Variants in RNF34 observed in about 807,000 individuals in gnomAD.
The protein encoded by RNF34 is E3 ubiquitin-protein ligase RNF34.
RNF34 carries 12 observed loss-of-function variants against 37.9 expected under a neutral mutation model. The ratio of observed to expected loss-of-function variants is 0.32; its 90% CI spans 0.20 to 0.51. The LOEUF (loss-of-function observed/expected upper bound fraction) is 0.51. Ranked by LOEUF, RNF34 falls within the 20% of genes least tolerant of loss-of-function variation. The pLI, the probability that RNF34 is intolerant of heterozygous loss-of-function variation, is 0.97. For missense variants in RNF34, 362 were observed against 472.7 expected, an observed-to-expected ratio of 0.77 and a Z score of 2.17; for synonymous variants, 155 against 177.2, an observed-to-expected ratio of 0.87 and a Z score of 1.00.
rs1555283846 is a variant in RNF34, at chr12:121,423,617, C to T, written c.*41C>T. ...CCAGGACAGTCACCCCCAAACTTGACCCCCAACATTTCAATGCACAGAAGG... is the reference window on the plus strand; with the variant it reads ...CCAGGACAGTCACCCCCAAACTTGATCCCCAACATTTCAATGCACAGAAGG... On this transcript the variant is annotated 3_prime_UTR_variant, in exon 6 of 6. Coordinates refer to ENST00000361234, the MANE Select transcript of RNF34 (RefSeq NM_025126.4). The surrounding 1 kb of genome is among the most constrained non-coding windows in gnomAD (Gnocchi z 4.3). 1.9e-6 allele frequency: 3 copies of T among 1,554,302 alleles called. No homozygotes were observed. The highest frequency in any genetic ancestry group is 1.7e-5 in the Admixed American group (1 of 57,662).
chr12:121,423,655 A>T lies in RNF34; in HGVS notation c.*79A>T. ...AATGCACAGAAGGGACTGGAAAGTT[A>T]TGTTCAAAGGCTGAAGCTATTTTAA... On this transcript the variant is annotated 3_prime_UTR_variant, in exon 6 of 6. Transcript: ENST00000361234. The surrounding 1 kb of genome is among the most constrained non-coding windows in gnomAD (Gnocchi z 4.3). The T allele has an allele frequency of 8.2e-7, 1 of 1,215,710 alleles. No individual in the cohort carries two copies. Among genetic ancestry groups the T allele is most frequent in the African/African-American group, 1.5e-5 (1 of 66,632 alleles). 75.3% of individuals were successfully genotyped at this position (1,215,710 alleles called of 1,614,324 possible).
At chr12:121,422,704 G>A (rs1872271530) in intron 5 of RNF34, among the ~76,000 whole-genome samples, 1 of 152,162 alleles carries the variant, frequency 6.6e-6, no homozygotes, top group Non-Finnish European at 1.5e-5. Flanking sequence ...ATAGCCCTAT[G>A]GCCAAATCTC....
chr12:121,420,298 GGATGAT>G lies in RNF34; in HGVS notation c.699_704del (p.Asp233_Asp234del), dbSNP rs781817807. ...AAGATGATGATGACGACGATGATGA[GGATGAT>G]GATGATGAAGAAGAAAACGCAGAGG... is the stretch of plus-strand genomic sequence containing the variant. On this transcript the variant is annotated inframe_deletion, in exon 4 of 6. Transcript: ENST00000361234. The G allele has an allele frequency of 6.3e-7, 1 of 1,584,958 alleles. No homozygotes were observed. Among genetic ancestry groups the G allele is most frequent in the Non-Finnish European group, 8.6e-7 (1 of 1,163,046 alleles).
At chr12:121,418,440 A>G (rs1555282662) in intron 3 of RNF34, 1 of 153,860 alleles carries the variant, frequency 6.5e-6, no homozygotes, top group Non-Finnish European at 1.4e-5. Flanking sequence ...TCCTGATTGA[A>G]TAACATGTAA....
rs782192475 is a variant in RNF34, at chr12:121,417,795, A to G, written c.517A>G (p.Ser173Gly). The G allele has an allele frequency of 6.2e-7, 1 of 1,614,216 alleles. No homozygotes were observed. The highest frequency in any genetic ancestry group is 8.5e-7 in the Non-Finnish European group (1 of 1,180,044). Residue 173 changes from serine (S) to glycine (G), a missense_variant, in exon 3 of 6, where the codon AGC (serine) becomes GGC (glycine). Transcript: ENST00000361234. This position sits in a 1 kb window ranked among gnomAD's most constrained non-coding sequence, Gnocchi z 5.0. The stretch of plus-strand genomic sequence containing the variant: ...GAATTCTTCAAGGTCCCAGACTTCT[A>G]GCTTTTTTACACGTTCGTTTTTTTC... ...SLNSSRSQTSSFFTRSFFSNY... is the reference protein window; with the variant it reads ...SLNSSRSQTSGFFTRSFFSNY...
At chr12:121,420,451 C>A (rs994143133) in intron 4 of RNF34, 117 bp downstream of exon 4, 54 of 1,552,468 alleles carry the variant, frequency 3.5e-5, no homozygotes, top group Non-Finnish European at 4.2e-5. Context: ...GAATGTAGGA[C>A]AGTATACTGA....
At position 121,417,906 on chromosome 12, in the gene RNF34, G is replaced by T; in HGVS notation, c.628G>T (p.Ala210Ser). ...CCAAACATCCAGATCTGGAGTGCCG[G>T]CACAGGTACGAGGGGGTAACTAATT... ...GDQTSRSGVP[A>S]QVQSEITSAN... The change falls in exon 3 of 6, where the codon GCA (alanine) becomes TCA (serine). Residue 210 changes from alanine to serine, a missense_variant. Transcript: ENST00000361234. This position sits in a 1 kb window ranked among gnomAD's most constrained non-coding sequence, Gnocchi z 5.0. The T allele has an allele frequency of 1.2e-6, 2 of 1,613,586 alleles. No individual in the cohort carries two copies. Among genetic ancestry groups the T allele is most frequent in the Non-Finnish European group, 1.7e-6 (2 of 1,179,820 alleles).
At chr12:121,421,043 GT>G (rs1260711461) in intron 5 of RNF34, among the ~76,000 whole-genome samples, 1 of 151,962 alleles carries the variant, frequency 6.6e-6, no homozygotes, top group African/African-American at 2.4e-5. Context: ...TTAACTATTT[GT>G]TACAACCCTA....
In RNF34 at chr12:121,401,965, TG is replaced by T. The variant is rs372732361; in HGVS notation, c.6+1748del. Among the ~76,000 whole-genome samples, 11 of 152,368 alleles carry T rather than the reference TG, an allele frequency of 7.2e-5. No individual in the cohort carries two copies. The South Asian group carries it at 1.0e-3, about 14-fold the overall frequency. ...GATTTACACCATTGAGGATTTGGGC[TG>T]TTAAATGTTTATTATTTAACTTAAT... On this transcript the variant is annotated intron_variant, in intron 1 of 5. Coordinates refer to ENST00000361234, the MANE Select transcript of RNF34 (RefSeq NM_025126.4).
intron 1 of RNF34, among the ~76,000 whole-genome samples, chr12:121,408,167 G>A (rs1555280895): frequency 6.6e-6 from 1 of 152,132 alleles, no homozygotes; most frequent in Non-Finnish European, 1.5e-5. Flanking sequence ...ATGGCCAGGT[G>A]TGGTGGCTCA....
At position 121,420,307 on chromosome 12, in the gene RNF34, T is replaced by G. The variant is rs1872011664; in HGVS notation, c.699T>G (p.Asp233Glu). 2 of 1,582,294 alleles carry G rather than the reference T, an allele frequency of 1.3e-6. No individual in the cohort carries two copies. The highest frequency in any genetic ancestry group is 1.8e-5 in the Admixed American group (1 of 55,672). Residue 233 changes from aspartate to glutamate, a missense_variant, in exon 4 of 6, where the codon GAT becomes GAG. Transcript: ENST00000361234. Reference protein sequence around the residue: ...DDDDDDDEDDDDEEENAEDRN... With the variant: ...DDDDDDDEDDEDEEENAEDRN... ...ATGACGACGATGATGAGGATGATGA[T>G]GATGAAGAAGAAAACGCAGAGGATC...
chr12:121,402,983 C>T (rs117220933), intron 1 of RNF34, among the ~76,000 whole-genome samples: 1,887 of 152,202 alleles, frequency 0.012, 15 homozygotes, highest in Middle Eastern at 0.024. Context: ...GGTATATGGT[C>T]GGATATTTGG....
At chr12:121,420,838 GTTGTTT>G in intron 5 of RNF34, 60 bp downstream of exon 5, 3 of 1,310,542 alleles carry the variant, frequency 2.3e-6, no homozygotes, top group Middle Eastern at 1.9e-4. Context: ...TAAAAACTGG[GTTGTTT>G]TTGTCACAAT....
intron 1 of RNF34, among the ~76,000 whole-genome samples, chr12:121,400,785 G>A (rs1395430127): frequency 6.6e-6 from 1 of 152,176 alleles, no homozygotes; most frequent in South Asian, 2.1e-4. Flanking sequence ...TGCCTCCATC[G>A]CCACTAGGTA....
At chr12:121,421,063 C>G (rs1872082982) in intron 5 of RNF34, among the ~76,000 whole-genome samples, 1 of 152,012 alleles carries the variant, frequency 6.6e-6, no homozygotes, top group African/African-American at 2.4e-5. Context: ...TAATTAAATT[C>G]CTCGTCTCTG....
At position 121,423,373 on chromosome 12, in the gene RNF34, T is replaced by C. The variant is rs574203979; in HGVS notation, c.929-13T>C. ...GCCTGAAGCCGAGGCCTTAGCTCTC[T>C]GTTGCCTTTCAGATGGCGAGCGGCT... On this transcript the variant is annotated splice_polypyrimidine_tract_variant and intron_variant, in intron 5 of 5. Coordinates refer to ENST00000361234, the MANE Select transcript of RNF34 (RefSeq NM_025126.4). This position sits in a 1 kb window ranked among gnomAD's most constrained non-coding sequence, Gnocchi z 4.3. The C allele has an allele frequency of 5.0e-6, 8 of 1,593,370 alleles. No homozygotes were observed. Among genetic ancestry groups the C allele is most frequent in the African/African-American group, 1.3e-5 (1 of 74,704 alleles).
Position 121,413,288 on chromosome 12 carries a change from A to G in RNF34, c.7-2871A>G, listed in dbSNP as rs373649845. Among the ~76,000 whole-genome samples the G allele has an allele frequency of 1.0e-3, 154 of 152,314 alleles. No individual in the cohort carries two copies. In the South Asian group the frequency reaches 0.024, roughly 24 times the overall value. ...GAGATCCACCTTCCTTGGCCTCCCA[A>G]AGTGCTGGGATTACAGGCATAAGCC... On this transcript the variant is annotated intron_variant, in intron 1 of 5. Coordinates refer to ENST00000361234, the MANE Select transcript of RNF34 (RefSeq NM_025126.4).
chr12:121,410,051 G>A (rs1169047287), intron 1 of RNF34, among the ~76,000 whole-genome samples: 1 of 152,040 alleles, frequency 6.6e-6, no homozygotes, highest in Non-Finnish European at 1.5e-5. Context: ...GCTACTAGGA[G>A]GCTGAGGCAG....
chr12:121,402,952 A>T, intron 1 of RNF34: 1 of 665,520 alleles, frequency 1.5e-6, no homozygotes, highest in East Asian at 2.6e-5. Flanking sequence ...ATAATTTAGG[A>T]TGTAGAATTC....
Sources: gnomAD v4.1 joint callset for allele counts (sites outside exome capture counted in the v4.1 genomes callset) on GRCh38, gnomAD v4.1.1 for gene constraint, Gnocchi (gnomAD v3.1) non-coding constraint, MANE v1.5 for transcripts, NCBI Gene and HGNC (gene_info 2026-07-23, HGNC 2026-07-21) for gene names.